The following LRMDA variants were observed in gnomAD, a reference collection of about 807,000 sequenced individuals.
LRMDA encodes the protein leucine rich melanocyte differentiation associated, also known as leucine-rich melanocyte differentiation-associated protein.
In LRMDA, 18 loss-of-function variants were observed where a neutral mutation model predicts 29.8. The ratio of observed to expected loss-of-function variants is 0.60; its 90% CI spans 0.42 to 0.90. The LOEUF is 0.90. Ranked by LOEUF, LRMDA falls within the 40% of genes least tolerant of loss-of-function variation. The pLI is 0.00. For synonymous variants in LRMDA, 125 were observed against 109.4 expected, an observed-to-expected ratio of 1.14 and a Z score of -0.89; for missense variants, 273 against 273.9, an observed-to-expected ratio of 1.00 and a Z score of 0.02.
At chr10:76,314,471 G>C (rs1438785704) in intron 5 of LRMDA, among the ~76,000 whole-genome samples, 1 of 152,180 alleles carries the variant, frequency 6.6e-6, no homozygotes, top group Non-Finnish European at 1.5e-5. Flanking sequence ...CTCACTTGCA[G>C]CATTTGCCAG....
chr10:75,736,165 A>C (rs1303829283), intron 2 of LRMDA, among the ~76,000 whole-genome samples: 1 of 152,250 alleles, frequency 6.6e-6, no homozygotes, highest in East Asian at 1.9e-4. Flanking sequence ...AAACCGTAAT[A>C]GTTTGCAGTT....
chr10:75,698,184 C>CCTGTTCCA (rs1842262538), intron 2 of LRMDA, among the ~76,000 whole-genome samples: 1 of 152,142 alleles, frequency 6.6e-6, no homozygotes, highest in Admixed American at 6.5e-5. Flanking sequence ...CTGTTCCCAC[C>CCTGTTCCA]CCATTAGTGA....
chr10:76,031,013 G>A (rs149044110), intron 2 of LRMDA, among the ~76,000 whole-genome samples: 2 of 152,200 alleles, frequency 1.3e-5, no homozygotes, highest in Non-Finnish European at 2.9e-5. Flanking sequence ...GTGGTGGGGG[G>A]AGTATAGGAG....
chr10:75,903,516 G>A (rs58051748), intron 2 of LRMDA, among the ~76,000 whole-genome samples: 4,513 of 152,288 alleles, frequency 0.03, 223 homozygotes, highest in African/African-American at 0.1. Context: ...ATTACTGCCT[G>A]CGTTTTAGGG....
chr10:75,559,645 C>A (rs978109960), intron 2 of LRMDA, among the ~76,000 whole-genome samples: 28 of 149,806 alleles, frequency 1.9e-4, no homozygotes, highest in African/African-American at 6.8e-4. Context: ...AGGTTTTCTT[C>A]TAGGGTTTTT....
At chr10:76,287,227 C>T (rs1393496934) in intron 5 of LRMDA, among the ~76,000 whole-genome samples, 3 of 152,104 alleles carry the variant, frequency 2.0e-5, no homozygotes, top group African/African-American at 7.2e-5. Context: ...CTGCCTGCCC[C>T]ACTCTCAGCA....
intron 2 of LRMDA, among the ~76,000 whole-genome samples, chr10:76,028,793 ATAT>A (rs906547961): frequency 6.7e-6 from 1 of 149,452 alleles, no homozygotes; most frequent in African/African-American, 2.5e-5. Context: ...TGTCACAAAG[ATAT>A]TATGAGAAGC....
intron 5 of LRMDA, among the ~76,000 whole-genome samples, chr10:76,269,232 A>G (rs576600427): frequency 6.6e-6 from 1 of 151,498 alleles, no homozygotes; most frequent in Admixed American, 6.6e-5. Flanking sequence ...CAGTAATCGA[A>G]CCCCCCATCT....
At chr10:75,682,736 G>C (rs969986964) in intron 2 of LRMDA, among the ~76,000 whole-genome samples, 4 of 151,868 alleles carry the variant, frequency 2.6e-5, no homozygotes, top group Non-Finnish European at 4.4e-5. Context: ...CTTCTTGGAG[G>C]GGGTGGTGAA....
chr10:76,201,171 C>T (rs1218439276), intron 5 of LRMDA, among the ~76,000 whole-genome samples: 1 of 148,662 alleles, frequency 6.7e-6, no homozygotes, highest in Non-Finnish European at 1.5e-5. Context: ...ATCTCGGCTC[C>T]CCGTAACCTC....
At chr10:75,961,773 C>T (rs1006573745) in intron 2 of LRMDA, among the ~76,000 whole-genome samples, 5 of 152,200 alleles carry the variant, frequency 3.3e-5, no homozygotes, top group African/African-American at 1.2e-4. Flanking sequence ...CAAAGTACTG[C>T]ACGTTGGATA....
At chr10:76,083,420 C>T (rs1315873797) in intron 5 of LRMDA, among the ~76,000 whole-genome samples, 1 of 152,214 alleles carries the variant, frequency 6.6e-6, no homozygotes, top group African/African-American at 2.4e-5. Flanking sequence ...CCCTGTGTAA[C>T]ATGGCATGCC....
chr10:76,513,386 G>A (rs889092734), intron 6 of LRMDA, among the ~76,000 whole-genome samples: 3 of 152,030 alleles, frequency 2.0e-5, no homozygotes, highest in Non-Finnish European at 4.4e-5. Flanking sequence ...CTCTGTTTTA[G>A]TTTCCCCCAC....
intron 2 of LRMDA, among the ~76,000 whole-genome samples, chr10:75,931,538 G>A (rs187104269): frequency 2.6e-5 from 4 of 152,280 alleles, no homozygotes; most frequent in Admixed American, 2.0e-4. Flanking sequence ...TAGAAGATGG[G>A]ATTGCCAAAA....
intron 5 of LRMDA, among the ~76,000 whole-genome samples, chr10:76,143,042 T>C (rs1850236416): frequency 6.6e-6 from 1 of 152,230 alleles, no homozygotes; most frequent in Non-Finnish European, 1.5e-5. Flanking sequence ...TATGGCTGCA[T>C]AGTATTCCAT....
chr10:76,238,579 C>T (rs955710950), intron 5 of LRMDA, among the ~76,000 whole-genome samples: 1 of 147,324 alleles, frequency 6.8e-6, no homozygotes, highest in Admixed American at 6.9e-5. Flanking sequence ...AGGGGAAGGG[C>T]AGCAGGTAGA....
intron 2 of LRMDA, among the ~76,000 whole-genome samples, chr10:75,600,176 C>T (rs947540685): frequency 4.5e-4 from 68 of 152,116 alleles, no homozygotes; most frequent in African/African-American, 1.6e-3. Flanking sequence ...CTTTTTCCCC[C>T]CAAGTAAGTC....
chr10:76,026,191 G>A (rs1400286223), intron 2 of LRMDA, among the ~76,000 whole-genome samples: 3 of 152,214 alleles, frequency 2.0e-5, no homozygotes, highest in African/African-American at 7.2e-5. Context: ...ATTAATAATT[G>A]AGGACGTACA....
chr10:75,716,956 A>G (rs1842508187), intron 2 of LRMDA, among the ~76,000 whole-genome samples: 3 of 152,124 alleles, frequency 2.0e-5, no homozygotes, highest in African/African-American at 4.8e-5. Context: ...GAAAAATCTC[A>G]CCAACATGAC....
Sources: gnomAD v4.1 joint callset for allele counts (sites outside exome capture counted in the v4.1 genomes callset) on GRCh38, gnomAD v4.1.1 for gene constraint, MANE v1.5 for transcripts, NCBI Gene and HGNC (gene_info 2026-07-23, HGNC 2026-07-21) for gene names.